Variants in KCNJ16 observed in about 807,000 individuals in gnomAD.
The protein encoded by KCNJ16 is potassium inwardly rectifying channel subfamily J member 16.
A neutral mutation model predicts 18.5 loss-of-function variants in KCNJ16; 15 were observed. That is an observed-to-expected ratio of 0.81 (90% CI 0.54 to 1.25). KCNJ16 has a LOEUF of 1.25. Ranked by LOEUF, KCNJ16 falls within the 50% of genes most tolerant of loss-of-function variation. The pLI is 0.00. For synonymous variants in KCNJ16, 174 were observed against 186.5 expected, an observed-to-expected ratio of 0.93 and a Z score of 0.55; for missense variants, 523 against 525.7, an observed-to-expected ratio of 0.99 and a Z score of 0.05.
intron 2 of KCNJ16, among the ~76,000 whole-genome samples, chr17:70,123,128 G>C (rs1213108538): frequency 1.3e-5 from 2 of 152,084 alleles, no homozygotes; most frequent in Non-Finnish European, 2.9e-5. Context: ...CACTGTTCTT[G>C]GGAGAAATAT....
chr17:70,096,378 T>C (rs924707032), intron 1 of KCNJ16, among the ~76,000 whole-genome samples: 2 of 152,220 alleles, frequency 1.3e-5, no homozygotes, highest in Non-Finnish European at 2.9e-5. Context: ...ATGTGGTCTC[T>C]CATATAAGAT....
intron 2 of KCNJ16, among the ~76,000 whole-genome samples, chr17:70,108,111 T>A (rs1469022854): frequency 1.3e-5 from 2 of 152,204 alleles, no homozygotes; most frequent in Non-Finnish European, 2.9e-5. Context: ...CTCTACTGCA[T>A]GAATACAGAG....
intron 2 of KCNJ16, among the ~76,000 whole-genome samples, chr17:70,113,289 C>T (rs1266306219): frequency 2.6e-5 from 4 of 152,108 alleles, no homozygotes; most frequent in East Asian, 3.8e-4. Context: ...GATCTAGCAG[C>T]GTCTTTCTCA....
chr17:70,126,064 G>A (rs752082085), intron 2 of KCNJ16, among the ~76,000 whole-genome samples: 10 of 152,122 alleles, frequency 6.6e-5, no homozygotes, highest in Non-Finnish European at 1.3e-4. Flanking sequence ...ATATATATAA[G>A]ATAACAAAGC....
chr17:70,097,834 G>A (rs995576103), intron 1 of KCNJ16, among the ~76,000 whole-genome samples: 1 of 151,892 alleles, frequency 6.6e-6, no homozygotes, highest in Non-Finnish European at 1.5e-5. Context: ...CCTTCATTAT[G>A]GATTTCTAAT....
At chr17:70,123,283 T>C (rs974057750) in intron 2 of KCNJ16, among the ~76,000 whole-genome samples, 1 of 152,174 alleles carries the variant, frequency 6.6e-6, no homozygotes, top group Non-Finnish European at 1.5e-5. Flanking sequence ...GATAACAGTT[T>C]AGCTTATAGC....
intron 1 of KCNJ16, among the ~76,000 whole-genome samples, chr17:70,095,795 T>C (rs930274273): frequency 6.6e-6 from 1 of 151,066 alleles, no homozygotes; most frequent in Non-Finnish European, 1.5e-5. Flanking sequence ...ATGTTGAAAC[T>C]GATTCAAACT....
intron 2 of KCNJ16, among the ~76,000 whole-genome samples, chr17:70,108,952 C>T (rs1282082773): frequency 1.3e-5 from 2 of 151,988 alleles, no homozygotes; most frequent in Non-Finnish European, 1.5e-5. Context: ...TGCTCTGGGC[C>T]GTGGGATGGG....
At chr17:70,096,348 G>T (rs532756948) in intron 1 of KCNJ16, among the ~76,000 whole-genome samples, 2 of 152,224 alleles carry the variant, frequency 1.3e-5, no homozygotes, top group South Asian at 4.2e-4. Context: ...GGTCCATTTT[G>T]CCCTTATTCA....
At chr17:70,122,908 G>C (rs1269718505) in intron 2 of KCNJ16, among the ~76,000 whole-genome samples, 1 of 152,166 alleles carries the variant, frequency 6.6e-6, no homozygotes. Flanking sequence ...GCACTGTAAT[G>C]AGAGGTGGCT....
intron 2 of KCNJ16, among the ~76,000 whole-genome samples, chr17:70,109,623 TC>T (rs1298164021): frequency 6.6e-6 from 1 of 152,116 alleles, no homozygotes; most frequent in Non-Finnish European, 1.5e-5. Context: ...CCCTCTTTAC[TC>T]CCTGTTCCAG....
intron 1 of KCNJ16, among the ~76,000 whole-genome samples, chr17:70,092,521 GATAC>G (rs1242493486): frequency 0.39 from 34,242 of 87,776 alleles, 7,385 homozygotes; most frequent in Non-Finnish European, 0.44. Flanking sequence ...TAGATAGATA[GATAC>G]ATAGACAGAT....
intron 1 of KCNJ16, among the ~76,000 whole-genome samples, chr17:70,093,097 A>C (rs1340997242): frequency 6.6e-6 from 1 of 152,240 alleles, no homozygotes; most frequent in African/African-American, 2.4e-5. Flanking sequence ...AGTTAGTAAA[A>C]GATTCCTCAG....
At chr17:70,108,220 T>C (rs1417141523) in intron 2 of KCNJ16, 1 of 152,214 alleles carries the variant, frequency 6.6e-6, no homozygotes, top group Non-Finnish European at 1.5e-5. Context: ...ACATAGCTGG[T>C]GTTCAATAAA....
intron 1 of KCNJ16, among the ~76,000 whole-genome samples, chr17:70,082,631 T>C (rs972930907): frequency 1.3e-5 from 2 of 152,196 alleles, no homozygotes. Context: ...CAATTGCTTG[T>C]CGAGGCTCTC....
intron 2 of KCNJ16, among the ~76,000 whole-genome samples, chr17:70,117,289 C>T (rs922465792): frequency 3.3e-5 from 5 of 152,106 alleles, no homozygotes; most frequent in South Asian, 2.1e-4. Flanking sequence ...CAACAGACAC[C>T]GAGGACTACT....
intron 1 of KCNJ16, among the ~76,000 whole-genome samples, chr17:70,085,124 T>A (rs2071734953): frequency 6.6e-6 from 1 of 152,218 alleles, no homozygotes; most frequent in Non-Finnish European, 1.5e-5. Context: ...ACATCTCAAT[T>A]GTTCTGTCCT....
At chr17:70,125,072 C>T (rs753050220) in intron 2 of KCNJ16, among the ~76,000 whole-genome samples, 2 of 152,062 alleles carry the variant, frequency 1.3e-5, no homozygotes, top group Non-Finnish European at 2.9e-5. Flanking sequence ...TCAAGACCAG[C>T]CTGGGCAACA....
rs112447860 is a variant in KCNJ16 at position 70,078,790 on chromosome 17, G to A, written c.-300+3400G>A. On this transcript the variant is annotated intron_variant, in intron 1 of 3. Transcript: ENST00000392671. ...TGGTCCAGCACCATCATAACATAACGTACAATTAGCACACCAACCAATCAC... is the reference window on the plus strand; with the variant it reads ...TGGTCCAGCACCATCATAACATAACATACAATTAGCACACCAACCAATCAC... Among the ~76,000 whole-genome samples, 1,330 of 152,200 alleles carry A rather than the reference G, an allele frequency of 8.7e-3. 7 individuals carry two copies. Among genetic ancestry groups the A allele is most frequent in the African/African-American group, 0.022 (898 of 41,528 alleles).
Sources: gnomAD v4.1 joint callset for allele counts (sites outside exome capture counted in the v4.1 genomes callset) on GRCh38, gnomAD v4.1.1 for gene constraint, MANE v1.5 for transcripts, NCBI Gene and HGNC (gene_info 2026-07-23, HGNC 2026-07-21) for gene names.